The following ST3GAL1 variants were observed in gnomAD, a reference collection of about 807,000 sequenced individuals.
The protein encoded by ST3GAL1 is CMP-N-acetylneuraminate-beta-galactosamide-alpha-2,3-sialyltransferase 1.
ST3GAL1 carries 16 observed loss-of-function variants against 34.1 expected under a neutral mutation model. The observed-to-expected ratio is 0.47, with a 90% CI of 0.32 to 0.71. The LOEUF (loss-of-function observed/expected upper bound fraction) is 0.71, where lower values mean the gene tolerates loss of function less well. ST3GAL1 is among the 30% of genes least tolerant of loss of function. The pLI is 0.04. For synonymous variants in ST3GAL1, 191 were observed against 184.7 expected, an observed-to-expected ratio of 1.03 and a Z score of -0.28; for missense variants, 353 against 447.4, an observed-to-expected ratio of 0.79 and a Z score of 1.90.
rs1816185709 is a variant in ST3GAL1, at chr8:133,476,510, C to T, written c.-283G>A. ...CCTCCAACTGTGGTTTCTGACGATC[C>T]TTAATTAGGGCTTTTTCTTTCCCAT... On this transcript the variant is annotated 5_prime_UTR_variant, in exon 4 of 10. Coordinates refer to ENST00000522652, the MANE Select transcript of ST3GAL1 (RefSeq NM_173344.3). The T allele has an allele frequency of 6.5e-6, 1 of 153,250 alleles. No individual in the cohort carries two copies. Among genetic ancestry groups the T allele is most frequent in the Admixed American group, 6.5e-5 (1 of 15,442 alleles). The allele number at this position is 153,250 out of a possible 1,614,324, so 9.5% of individuals were successfully genotyped here.
intron 1 of ST3GAL1, among the ~76,000 whole-genome samples, chr8:133,565,150 C>CGTGTGTGTGT (rs1491011931): frequency 3.0e-5 from 2 of 67,224 alleles, no homozygotes; most frequent in African/African-American, 1.4e-4. Flanking sequence ...GCTCTGTGTG[C>CGTGTGTGTGT]CTGTGTGTGT....
At chr8:133,520,834 C>G (rs138287640) in intron 2 of ST3GAL1, among the ~76,000 whole-genome samples, 4 of 147,504 alleles carry the variant, frequency 2.7e-5, no homozygotes, top group Admixed American at 6.9e-5. Context: ...TGCTATGGTG[C>G]GATTCCAGCT....
Position 133,456,564 on chromosome 8 carries a change from C to G in ST3GAL1, c.*3200G>C, listed in dbSNP as rs904629822. On this transcript the variant is annotated 3_prime_UTR_variant, in exon 10 of 10. Coordinates refer to ENST00000522652, the MANE Select transcript of ST3GAL1 (RefSeq NM_173344.3). Reference sequence around the variant, plus strand: ...ATGTGCCTTTTGGCTAACACACACTCTTGTCTAATTCCCAGCCACCTTCAC... The same window carrying G: ...ATGTGCCTTTTGGCTAACACACACTGTTGTCTAATTCCCAGCCACCTTCAC... 1.3e-5 allele frequency: 2 copies of G among 152,326 alleles called. No individual in the cohort carries two copies. Among genetic ancestry groups the G allele is most frequent in the Non-Finnish European group, 2.9e-5 (2 of 68,082 alleles). 9.4% of individuals were successfully genotyped at this position (152,326 alleles called of 1,614,324 possible). A position where few individuals can be genotyped will look rare whatever the true frequency, so the allele number is the denominator to read the frequency against.
chr8:133,514,553 T>C (rs973003955), intron 2 of ST3GAL1, among the ~76,000 whole-genome samples: 1 of 152,040 alleles, frequency 6.6e-6, no homozygotes, highest in African/African-American at 2.4e-5. Context: ...GGGGAGCACC[T>C]CTCCTCCACC....
intron 2 of ST3GAL1, among the ~76,000 whole-genome samples, chr8:133,510,605 G>T (rs1817475507): frequency 6.6e-6 from 1 of 152,098 alleles, no homozygotes; most frequent in South Asian, 2.1e-4. Flanking sequence ...TTTTTCAATT[G>T]CATTAATTAA....
At chr8:133,490,954 C>T (rs1387797582) in intron 3 of ST3GAL1, among the ~76,000 whole-genome samples, 1 of 152,168 alleles carries the variant, frequency 6.6e-6, no homozygotes, top group Non-Finnish European at 1.5e-5. Flanking sequence ...CGGCGCCTGC[C>T]CATTTGCCCC....
intron 1 of ST3GAL1, among the ~76,000 whole-genome samples, chr8:133,562,523 A>G (rs1819257491): frequency 6.6e-6 from 1 of 152,146 alleles, no homozygotes; most frequent in South Asian, 2.1e-4. Flanking sequence ...CCACATCTTT[A>G]TCTGCAAAAT....
intron 1 of ST3GAL1, among the ~76,000 whole-genome samples, 161 bp from the exon 2 acceptor site, chr8:133,546,087 G>A (rs1421830456): frequency 1.3e-5 from 2 of 152,172 alleles, no homozygotes; most frequent in African/African-American, 2.4e-5. Flanking sequence ...CACCTATTCT[G>A]TTCCCGGCAC....
intron 5 of ST3GAL1, among the ~76,000 whole-genome samples, chr8:133,473,134 T>G (rs937344452): frequency 6.6e-6 from 1 of 152,190 alleles, no homozygotes; most frequent in Non-Finnish European, 1.5e-5. Context: ...TGAAGACACA[T>G]GGCTTATATC....
In ST3GAL1 at chr8:133,556,716, G is replaced by A. The variant is rs1483485496; in HGVS notation, c.-581-10790C>T. On this transcript the variant is annotated intron_variant, in intron 1 of 9. Transcript: ENST00000522652. The surrounding 1 kb of genome is among the most constrained non-coding windows in gnomAD (Gnocchi z 8.9). ...TTAGCCATGGAAACCTTGCACCCAA[G>A]GACACGGCTGACATCATATAAAGTC... Among the ~76,000 whole-genome samples, 2 of 152,198 alleles carry A rather than the reference G, an allele frequency of 1.3e-5. No individual in the cohort carries two copies. The highest frequency in any genetic ancestry group is 4.8e-5 in the African/African-American group (2 of 41,458).
chr8:133,510,132 C>T (rs1436157312), intron 2 of ST3GAL1, among the ~76,000 whole-genome samples: 3 of 151,976 alleles, frequency 2.0e-5, no homozygotes, highest in Non-Finnish European at 4.4e-5. Flanking sequence ...CCCCTGGTTT[C>T]CCGCTGTCCC....
intron 7 of ST3GAL1, 92 bp downstream of exon 7, chr8:133,464,686 G>T: frequency 7.0e-7 from 1 of 1,432,708 alleles, no homozygotes; most frequent in Non-Finnish European, 9.5e-7. Context: ...GAGGCACCCC[G>T]GTGGAGGCAC....
At chr8:133,553,538 T>C (rs1249409183) in intron 1 of ST3GAL1, among the ~76,000 whole-genome samples, 2 of 152,240 alleles carry the variant, frequency 1.3e-5, no homozygotes, top group Non-Finnish European at 2.9e-5. Context: ...AGTTATCTCA[T>C]CACTCAGTAC....
chr8:133,550,607 C>A (rs528643551), intron 1 of ST3GAL1, among the ~76,000 whole-genome samples: 2 of 152,204 alleles, frequency 1.3e-5, no homozygotes, highest in African/African-American at 4.8e-5. Context: ...ATCCATCCAA[C>A]TGGTAGCCAC....
chr8:133,547,786 G>A lies in ST3GAL1; in HGVS notation c.-581-1860C>T, dbSNP rs76413952. On this transcript the variant is annotated intron_variant, in intron 1 of 9. Transcript: ENST00000522652. ...ACAACCACTGAGGTTTCTTTATACC[G>A]CTGGCAATGGTGATACATGAGGATA... Among the ~76,000 whole-genome samples the A allele has an allele frequency of 1.1e-3, 161 of 152,252 alleles. 3 individuals are homozygous for A. In the East Asian group the frequency reaches 0.019, roughly 18 times the overall value.
chr8:133,561,336 A>G (rs1819215595), intron 1 of ST3GAL1, among the ~76,000 whole-genome samples: 1 of 152,094 alleles, frequency 6.6e-6, no homozygotes, highest in African/African-American at 2.4e-5. Flanking sequence ...CATGTCTCCG[A>G]GTGCCATGAA....
At chr8:133,490,363 G>A (rs1471269208) in intron 3 of ST3GAL1, among the ~76,000 whole-genome samples, 1 of 152,182 alleles carries the variant, frequency 6.6e-6, no homozygotes, top group Non-Finnish European at 1.5e-5. Context: ...AACACAGCTG[G>A]CGGCATGCGT....
In ST3GAL1 at chr8:133,497,455, A is replaced by ATTT. The variant is rs1816988627; in HGVS notation, c.-374+1679_-374+1680insAAA. ...CTTCTCTCCCATGCAATTTTGTTGG[A>ATTT]ATTTTTTTTTTTTTTTTTTTTTTTT... On this transcript the variant is annotated intron_variant, in intron 3 of 9. Coordinates refer to ENST00000522652, the MANE Select transcript of ST3GAL1 (RefSeq NM_173344.3). Among the ~76,000 whole-genome samples the ATTT allele has an allele frequency of 1.8e-4, 18 of 101,222 alleles. 3 individuals carry two copies. The highest frequency in any genetic ancestry group is 3.6e-4 in the Admixed American group (3 of 8,358). 66.4% of individuals were successfully genotyped at this position (101,222 alleles called of 152,430 possible). A position where few individuals can be genotyped will look rare whatever the true frequency, so the allele number is the denominator to read the frequency against.
intron 3 of ST3GAL1, among the ~76,000 whole-genome samples, chr8:133,496,774 A>G (rs1448610885): frequency 6.6e-6 from 1 of 152,082 alleles, no homozygotes; most frequent in Non-Finnish European, 1.5e-5. Flanking sequence ...TCAATCCTGA[A>G]CTCAGGTATG....
Sources: allele counts gnomAD v4.1 joint callset (sites outside exome capture counted in the v4.1 genomes callset), GRCh38; gene constraint gnomAD v4.1.1; non-coding constraint Gnocchi (gnomAD v3.1); transcripts MANE v1.5; gene names NCBI Gene and HGNC (gene_info 2026-07-23, HGNC 2026-07-21).